Variants in HOOK1 observed in about 807,000 individuals in gnomAD.
HOOK1 encodes the protein hook microtubule tethering protein 1.
In HOOK1, 60 loss-of-function variants were observed where a neutral mutation model predicts 112.8. The ratio of observed to expected loss-of-function variants is 0.53; its 90% confidence interval spans 0.43 to 0.66. The LOEUF (loss-of-function observed/expected upper bound fraction) is 0.66. Ranked by LOEUF, HOOK1 falls within the 30% of genes least tolerant of loss-of-function variation. HOOK1 has a pLI of 0.00. For synonymous variants in HOOK1, 294 were observed against 283.8 expected, an observed-to-expected ratio of 1.04 and a Z score of -0.36; for missense variants, 770 against 856.0, an observed-to-expected ratio of 0.90 and a Z score of 1.25.
intron 2 of HOOK1, among the ~76,000 whole-genome samples, chr1:59,828,053 T>G (rs951131160): frequency 2.6e-5 from 4 of 152,178 alleles, no homozygotes; most frequent in Non-Finnish European, 5.9e-5. Context: ...AAAGGGTAAA[T>G]TATCTTCATA....
intron 1 of HOOK1, among the ~76,000 whole-genome samples, chr1:59,818,465 C>T (rs536452908): frequency 1.4e-4 from 21 of 152,250 alleles, no homozygotes; most frequent in African/African-American, 4.8e-4. Flanking sequence ...TGTTGTACTG[C>T]TACTTAGCAG....
At chr1:59,856,551 A>G (rs1234169957) in intron 12 of HOOK1, among the ~76,000 whole-genome samples, 3 of 151,952 alleles carry the variant, frequency 2.0e-5, no homozygotes, top group African/African-American at 7.3e-5. Context: ...GACATTTAAA[A>G]TAATATAAAA....
At chr1:59,830,189 T>C (rs1335213065) in intron 3 of HOOK1, among the ~76,000 whole-genome samples, 1 of 152,108 alleles carries the variant, frequency 6.6e-6, no homozygotes, top group Non-Finnish European at 1.5e-5. Flanking sequence ...TATATAAATA[T>C]AGATTTTGTT....
chr1:59,848,528 C>T lies in HOOK1; in HGVS notation c.1131+12C>T. 1 of 1,573,104 alleles carries T rather than the reference C, an allele frequency of 6.4e-7. No individual in the cohort carries two copies. The highest frequency in any genetic ancestry group is 1.1e-5 in the South Asian group (1 of 88,104). On this transcript the variant is annotated intron_variant, in intron 11 of 21. Transcript: ENST00000371208. ...CATACAAAAGGCAGGTAAGAAACAT[C>T]TTAATTTTTAATTGATAAAATTGTA...
chr1:59,862,235 G>A (rs953883333), intron 15 of HOOK1, among the ~76,000 whole-genome samples: 13 of 152,170 alleles, frequency 8.5e-5, no homozygotes, highest in African/African-American at 1.2e-4. Context: ...GGGAGAGGGA[G>A]ATACTAACTC....
rs564104771 is a variant in HOOK1 at position 59,818,600 on chromosome 1, A to G, written c.64-3258A>G. ...GCTACTTGGTTCTGTGACATTGGAAATTTGTTTAATATCTTTGGACCTTAC... is the reference window on the plus strand; with the variant it reads ...GCTACTTGGTTCTGTGACATTGGAAGTTTGTTTAATATCTTTGGACCTTAC... On this transcript the variant is annotated intron_variant, in intron 1 of 21. Transcript: ENST00000371208. Among the ~76,000 whole-genome samples the G allele has an allele frequency of 1.4e-3, 220 of 152,336 alleles. 6 individuals carry two copies. The South Asian group carries it at 0.045, about 31-fold the overall frequency.
intron 1 of HOOK1, among the ~76,000 whole-genome samples, chr1:59,818,543 A>C (rs1163595070): frequency 1.3e-5 from 2 of 152,224 alleles, no homozygotes; most frequent in African/African-American, 4.8e-5. Flanking sequence ...GAGAGTTTGA[A>C]GAAATGTTTG....
At chr1:59,853,321 C>T (rs759610696) in intron 12 of HOOK1, among the ~76,000 whole-genome samples, 1 of 151,824 alleles carries the variant, frequency 6.6e-6, no homozygotes, top group Non-Finnish European at 1.5e-5. Flanking sequence ...ATTGTTATAT[C>T]TTCCTGATAG....
In HOOK1 at chr1:59,836,882, A is replaced by G. The variant is rs1156615746; in HGVS notation, c.484A>G (p.Lys162Glu). Residue 162 changes from lysine (K) to glutamate (E), a missense_variant, in exon 7 of 22, where the codon AAA becomes GAA. Physicochemically the swap from Lys to Glu is moderately conservative, Grantham distance 56. Coordinates refer to ENST00000371208, the MANE Select transcript of HOOK1 (RefSeq NM_015888.6). The stretch of plus-strand genomic sequence containing the variant: ...TATTTTAATTTCCTAGTTGATGAGT[A>G]AAGAAATATTGAGCTCTCCTCCAAA... ...VMTAIQELMSKEILSSPPNDA... is the reference protein window; with the variant it reads ...VMTAIQELMSEEILSSPPNDA... 3 of 1,573,652 alleles carry G rather than the reference A, an allele frequency of 1.9e-6. No individual in the cohort carries two copies. Among genetic ancestry groups the G allele is most frequent in the Admixed American group, 3.4e-5 (2 of 59,372 alleles).
At chr1:59,849,718 C>A (rs2098406121) in intron 12 of HOOK1, among the ~76,000 whole-genome samples, 1 of 151,588 alleles carries the variant, frequency 6.6e-6, no homozygotes, top group South Asian at 2.1e-4. Context: ...AGTCTTTCTG[C>A]AATATGTAAT....
At chr1:59,859,747 A>T (rs530031368) in intron 14 of HOOK1, among the ~76,000 whole-genome samples, 1 of 152,048 alleles carries the variant, frequency 6.6e-6, no homozygotes, top group Admixed American at 6.5e-5. Context: ...TATTGCCATT[A>T]TAAGGTATAT....
chr1:59,858,313 T>C, intron 12 of HOOK1, 115 bp from the exon 13 acceptor site: 1 of 716,746 alleles, frequency 1.4e-6, no homozygotes, highest in Non-Finnish European at 2.5e-6. Context: ...AACTAAAACA[T>C]TGTCACTTAA....
intron 3 of HOOK1, among the ~76,000 whole-genome samples, chr1:59,831,060 C>A (rs2098393609): frequency 6.6e-6 from 1 of 151,988 alleles, no homozygotes; most frequent in Non-Finnish European, 1.5e-5. Flanking sequence ...ACCACCATGC[C>A]TGGCTAATTT....
Position 59,864,980 on chromosome 1 carries a change from T to C in HOOK1, c.1662-183T>C, listed in dbSNP as rs72923821. On this transcript the variant is annotated intron_variant, in intron 17 of 21. Coordinates refer to ENST00000371208, the MANE Select transcript of HOOK1 (RefSeq NM_015888.6). The stretch of plus-strand genomic sequence containing the variant: ...TAGGAAGCAAGGGTGGCAAGGGAAA[T>C]AATTTAACCTTTTTGGCACCTGCCG... 3,775 of 573,910 alleles carry C rather than the reference T, an allele frequency of 6.6e-3. 87 individuals carry two copies. The highest frequency in any genetic ancestry group is 0.054 in the African/African-American group (2,902 of 53,278). 35.6% of individuals were successfully genotyped at this position (573,910 alleles called of 1,614,324 possible). A position where few individuals can be genotyped will look rare whatever the true frequency, so the allele number is the denominator to read the frequency against.
In HOOK1 at chr1:59,820,151, TTTC is replaced by T. The variant is rs199622165; in HGVS notation, c.64-1704_64-1702del. On this transcript the variant is annotated intron_variant, in intron 1 of 21. Transcript: ENST00000371208. ...ACATATTTAAGAATCAGTTGGAGAT[TTTC>T]TTATTTAATATGTCTAGAGATTCTG... Among the ~76,000 whole-genome samples the T allele has an allele frequency of 5.6e-3, 855 of 152,310 alleles. 8 individuals carry two copies. The highest frequency in any genetic ancestry group is 0.019 in the African/African-American group (806 of 41,556).
intron 12 of HOOK1, among the ~76,000 whole-genome samples, chr1:59,854,032 ATATATATTTTTTTTTTTTTTT>A (rs2098409050): frequency 4.3e-5 from 1 of 23,024 alleles, no homozygotes; most frequent in African/African-American, 2.5e-4. Context: ...ATATATATAT[ATATATATTTTTTTTTTTTTTT>A]TTTTTTTTTT....
chr1:59,838,504 T>G (rs368838087), intron 7 of HOOK1, among the ~76,000 whole-genome samples: 9 of 152,326 alleles, frequency 5.9e-5, no homozygotes, highest in East Asian at 1.9e-4. Flanking sequence ...TTTTGAGAAG[T>G]GTCTTCTTTT....
rs1644103667 is a variant in HOOK1, at chr1:59,874,398, TA to T, written c.*1434del. 6.6e-6 allele frequency: 1 copy of T among 152,234 alleles called. No individual in the cohort carries two copies. The highest frequency in any genetic ancestry group is 1.5e-5 in the Non-Finnish European group (1 of 68,022). 9.4% of individuals were successfully genotyped at this position (152,234 alleles called of 1,614,324 possible). On this transcript the variant is annotated 3_prime_UTR_variant, in exon 22 of 22. Transcript: ENST00000371208. Reference sequence around the variant, plus strand: ...CTGAATTGTGACATAATTAGCATCTTACATTCCATACAGTTGAATACCTTAT... The same window carrying T: ...CTGAATTGTGACATAATTAGCATCTTCATTCCATACAGTTGAATACCTTAT...
chr1:59,827,797 G>A (rs565327304), intron 2 of HOOK1, among the ~76,000 whole-genome samples: 16 of 152,082 alleles, frequency 1.1e-4, no homozygotes, highest in Non-Finnish European at 2.1e-4. Context: ...GAGCAGAAAG[G>A]TTTCAGTTTT....
Sources: gnomAD v4.1 joint callset for allele counts (sites outside exome capture counted in the v4.1 genomes callset) on GRCh38, gnomAD v4.1.1 for gene constraint, MANE v1.5 for transcripts, NCBI Gene and HGNC (gene_info 2026-07-23, HGNC 2026-07-21) for gene names.